MEGF6: variants seen among roughly 807,000 people sequenced by gnomAD.
The protein encoded by MEGF6 is multiple EGF like domains 6.
In MEGF6, 184 loss-of-function variants were observed where a neutral mutation model predicts 207.1. That is an observed-to-expected ratio of 0.89 (90% CI 0.79 to 1.00). The LOEUF (loss-of-function observed/expected upper bound fraction) is 1.00, where lower values mean the gene tolerates loss of function less well. MEGF6 is among the 50% of genes least tolerant of loss of function. The pLI is 0.00. For synonymous variants in MEGF6, 1,038 were observed against 910.0 expected (o/e 1.14, Z -2.53); for missense variants, 2,282 against 2,202.9 (o/e 1.04, Z -0.72).
chr1:3,505,593 G>A (rs749962121), intron 15 of MEGF6, 37 bp from the exon 16 acceptor site: 1 of 1,515,864 alleles, frequency 6.6e-7, no homozygotes, highest in African/African-American at 1.4e-5. Flanking sequence ...GCTCCCGTCT[G>A]AAGCCCCACC....
chr1:3,571,727 TGCGGG>T (rs1208757443), intron 4 of MEGF6, among the ~76,000 whole-genome samples: 8 of 119,680 alleles, frequency 6.7e-5, no homozygotes, highest in South Asian at 2.4e-4. Context: ...GCTGGGTCCT[TGCGGG>T]TGCACTGGGT....
At chr1:3,615,371 T>C (rs1644369355), upstream of MEGF6, among the ~76,000 whole-genome samples, 1 of 152,198 alleles carries the variant, frequency 6.6e-6, no homozygotes, top group Non-Finnish European at 1.5e-5. Flanking sequence ...GTCCCATGGC[T>C]GGACCCACTG....
At chr1:3,599,406 C>T (rs1013100876) in intron 2 of MEGF6, among the ~76,000 whole-genome samples, 12 of 152,234 alleles carry the variant, frequency 7.9e-5, no homozygotes, top group African/African-American at 2.7e-4. Context: ...TCTCAGCCAC[C>T]CTGCATCCTG....
rs56851590 is a variant in MEGF6 at position 3,560,019 on chromosome 1, G to GA, written c.481+19805dup. Among the ~76,000 whole-genome samples, 35,370 of 97,372 alleles carry GA rather than the reference G, an allele frequency of 0.36. 5,217 individuals are homozygous for GA. The highest frequency in any genetic ancestry group is 0.56 in the East Asian group (2,020 of 3,630). The allele number at this position is 97,372 out of a possible 152,430, so 63.9% of individuals were successfully genotyped here. On this transcript the variant is annotated intron_variant, in intron 4 of 36. Transcript: ENST00000356575. The surrounding 1 kb of genome is among the most constrained non-coding windows in gnomAD (Gnocchi z 4.0). Reference sequence around the variant, plus strand: ...TATGAGAGTCCGTCTCAAAATAAAAGAAAAAAAAAAAAAAAAAGGAAACAC... The same window carrying GA: ...TATGAGAGTCCGTCTCAAAATAAAAGAAAAAAAAAAAAAAAAAAGGAAACAC...
chr1:3,544,012 C>A (rs1482198584), intron 4 of MEGF6, among the ~76,000 whole-genome samples: 1 of 152,210 alleles, frequency 6.6e-6, no homozygotes, highest in African/African-American at 2.4e-5. Flanking sequence ...CCATTCACCA[C>A]CCGGAGCCGC....
At chr1:3,549,281 C>T (rs545512825) in intron 4 of MEGF6, among the ~76,000 whole-genome samples, 7 of 152,222 alleles carry the variant, frequency 4.6e-5, no homozygotes, top group African/African-American at 1.4e-4. Flanking sequence ...AGCCAGAGCC[C>T]GACAAGGCAG....
chr1:3,525,747 A>G (rs1641937043), intron 4 of MEGF6, among the ~76,000 whole-genome samples: 2 of 152,314 alleles, frequency 1.3e-5, no homozygotes, highest in South Asian at 4.1e-4. Flanking sequence ...CCAGGGCTGG[A>G]GACCCAGGGG....
intron 12 of MEGF6, 128 bp from the exon 13 acceptor site, chr1:3,508,817 A>C: frequency 1.6e-6 from 2 of 1,253,584 alleles, no homozygotes; most frequent in Non-Finnish European, 2.2e-6. Flanking sequence ...AGGGCCCCCA[A>C]AGGGTGACAT....
At chr1:3,496,958 AGTCCCTGG>A (rs1299909249) in intron 28 of MEGF6, 22 bp downstream of exon 28, 24 of 1,545,340 alleles carry the variant, frequency 1.6e-5, no homozygotes, top group Admixed American at 2.0e-5. Context: ...AGCACTGCCG[AGTCCCTGG>A]GTGGGCACGG....
At chr1:3,513,451 A>AT (rs1373624043) in intron 7 of MEGF6, among the ~76,000 whole-genome samples, 2 of 149,606 alleles carry the variant, frequency 1.3e-5, no homozygotes, top group South Asian at 2.1e-4. Flanking sequence ...GGGTTTTCTT[A>AT]TTTTTTTGTA....
chr1:3,601,029 G>GC (rs905662973), intron 2 of MEGF6, among the ~76,000 whole-genome samples: 14 of 151,870 alleles, frequency 9.2e-5, no homozygotes, highest in South Asian at 2.1e-4. Context: ...CCCTGCCAGT[G>GC]CCCCCCCCTC....
In MEGF6 at chr1:3,578,500, C is replaced by T. The variant is rs116124871; in HGVS notation, c.481+1325G>A. Among the ~76,000 whole-genome samples the T allele has an allele frequency of 1.1e-3, 162 of 152,068 alleles. 1 individual carries two copies. Among genetic ancestry groups the T allele is most frequent in the African/African-American group, 3.5e-3 (147 of 41,480 alleles). ...AGGGAGGCCTGGCCAAGGCCTGCAG[C>T]CTGGATGTCACAGGGCAATGACAGG... On this transcript the variant is annotated intron_variant, in intron 4 of 36. Transcript: ENST00000356575.
intron 4 of MEGF6, among the ~76,000 whole-genome samples, chr1:3,570,769 G>A (rs1210660212): frequency 6.6e-6 from 1 of 152,224 alleles, no homozygotes; most frequent in Non-Finnish European, 1.5e-5. Flanking sequence ...GGCCTAGCAG[G>A]AAATCATCCT....
At chr1:3,493,953 C>A (rs772160994) in intron 33 of MEGF6, 43 bp downstream of exon 33, 1 of 1,582,438 alleles carries the variant, frequency 6.3e-7, no homozygotes, top group Non-Finnish European at 8.6e-7. Context: ...CCAGACGGGA[C>A]GGGGCCAGGG....
At position 3,493,384 on chromosome 1, in the gene MEGF6, T is replaced by C. The variant is rs1640458163; in HGVS notation, c.4387+387A>G. On this transcript the variant is annotated intron_variant, in intron 34 of 36. Transcript: ENST00000356575. ...CCTATCCTCAGGTGGGTCCCTCCTA[T>C]CCTCAGGTGAGACCCTCCTATCCTC... 1.1e-5 allele frequency: 3 copies of C among 283,114 alleles called. No individual in the cohort carries two copies. In the South Asian group the frequency reaches 1.4e-4, roughly 14 times the overall value. 17.5% of individuals were successfully genotyped at this position (283,114 alleles called of 1,614,324 possible). A position where few individuals can be genotyped will look rare whatever the true frequency, so the allele number is the denominator to read the frequency against.
intron 5 of MEGF6, among the ~76,000 whole-genome samples, chr1:3,516,334 G>T (rs1198605409): frequency 6.6e-6 from 1 of 152,240 alleles, no homozygotes; most frequent in Non-Finnish European, 1.5e-5. Context: ...GCGGGGGTTT[G>T]GTTACTGTCA....
At chr1:3,493,970 G>A in intron 33 of MEGF6, 26 bp downstream of exon 33, 1 of 1,587,436 alleles carries the variant, frequency 6.3e-7, no homozygotes, top group South Asian at 1.1e-5. Context: ...AGGGAGCGGG[G>A]GTTCAGGGAG....
intron 4 of MEGF6, among the ~76,000 whole-genome samples, chr1:3,557,723 G>A (rs559235923): frequency 2.0e-5 from 3 of 152,358 alleles, no homozygotes; most frequent in African/African-American, 7.2e-5. Context: ...GGGGGCCCAG[G>A]AAGCACCAGC....
chr1:3,523,212 A>G (rs926402808), intron 5 of MEGF6, among the ~76,000 whole-genome samples: 65 of 152,118 alleles, frequency 4.3e-4, no homozygotes, highest in African/African-American at 1.5e-3. Context: ...CCCATCACCC[A>G]GAGAATGACC....
Sources: gnomAD v4.1 joint callset for allele counts (sites outside exome capture counted in the v4.1 genomes callset) on GRCh38, gnomAD v4.1.1 for gene constraint, Gnocchi (gnomAD v3.1) non-coding constraint, MANE v1.5 for transcripts, NCBI Gene and HGNC (gene_info 2026-07-23, HGNC 2026-07-21) for gene names.